The following THSD7A variants were observed in gnomAD, a reference collection of about 807,000 sequenced individuals.
THSD7A encodes thrombospondin type 1 domain containing 7A.
Under a neutral mutation model 231.3 loss-of-function variants are expected in THSD7A, and 96 were observed. The observed-to-expected ratio is 0.41, with a 90% CI of 0.35 to 0.49. The LOEUF is 0.49. Ranked by LOEUF, THSD7A falls within the 20% of genes least tolerant of loss-of-function variation. The pLI is 0.05. For missense variants in THSD7A, 2,290 were observed against 2,070.2 expected (o/e 1.11, Z -2.06); for synonymous variants, 940 against 743.3 (o/e 1.26, Z -4.30).
At chr7:11,726,132 G>C (rs568920611) in intron 1 of THSD7A, among the ~76,000 whole-genome samples, 32 of 152,098 alleles carry the variant, frequency 2.1e-4, no homozygotes, top group Non-Finnish European at 4.0e-4. Context: ...TTTAAAAGGA[G>C]TTTGATGTAT....
intron 9 of THSD7A, among the ~76,000 whole-genome samples, chr7:11,466,350 T>G (rs1206030587): frequency 6.6e-6 from 1 of 152,168 alleles, no homozygotes; most frequent in South Asian, 2.1e-4. Context: ...CCATTTCTTA[T>G]GAAATAATGA....
chr7:11,726,836 C>A (rs1051280899), intron 1 of THSD7A, among the ~76,000 whole-genome samples: 1 of 151,894 alleles, frequency 6.6e-6, no homozygotes. Flanking sequence ...AACATAAATA[C>A]CGCATCCCTA....
intron 1 of THSD7A, among the ~76,000 whole-genome samples, chr7:11,783,255 A>C (rs774124109): frequency 2.6e-5 from 4 of 152,146 alleles, no homozygotes; most frequent in Non-Finnish European, 5.9e-5. Flanking sequence ...TAGCTAACCT[A>C]TACATGCTCA....
At chr7:11,645,193 T>A (rs1029474728) in intron 1 of THSD7A, among the ~76,000 whole-genome samples, 2 of 151,904 alleles carry the variant, frequency 1.3e-5, no homozygotes, top group Non-Finnish European at 2.9e-5. Context: ...TCATATGACT[T>A]TTAACATAAT....
chr7:11,636,572 C>G lies in THSD7A; in HGVS notation c.580G>C (p.Asp194His). Reference sequence around the variant, plus strand: ...GCAGAAAATTCAGACACGATGCAATCTTGCTGGCAAGGAATGAGGCAAGCC... The same window carrying G: ...GCAGAAAATTCAGACACGATGCAATGTTGCTGGCAAGGAATGAGGCAAGCC... ...EQACLIPCQQ[D>H]CIVSEFSAWS... The change falls in exon 2 of 28, where the codon GAT (aspartate) becomes CAT (histidine). Residue 194 changes from aspartate to histidine, a missense_variant. By Grantham distance (81) the Asp-to-His change is moderately conservative. Coordinates refer to ENST00000423059, the MANE Select transcript of THSD7A (RefSeq NM_015204.3). The surrounding 1 kb of genome is among the most constrained non-coding windows in gnomAD (Gnocchi z 10.0). The G allele has an allele frequency of 6.2e-7, 1 of 1,614,016 alleles. No individual in the cohort carries two copies. Among genetic ancestry groups the G allele is most frequent in the Non-Finnish European group, 8.5e-7 (1 of 1,179,900 alleles).
In THSD7A at chr7:11,375,773, G is replaced by A. The variant is rs749748609; in HGVS notation, c.*21C>T. ...TGAAGTCAGAAAGCCGAAACTGGTT[G>A]TTGCCAGGAAAAGTTATATGTTACA... On this transcript the variant is annotated 3_prime_UTR_variant, in exon 28 of 28. Coordinates refer to ENST00000423059, the MANE Select transcript of THSD7A (RefSeq NM_015204.3). The A allele has an allele frequency of 6.2e-7, 1 of 1,607,258 alleles. No homozygotes were observed. Among genetic ancestry groups the A allele is most frequent in the Non-Finnish European group, 8.5e-7 (1 of 1,175,136 alleles).
chr7:11,633,020 C>T (rs9638674), intron 2 of THSD7A, among the ~76,000 whole-genome samples: 26,318 of 152,116 alleles, frequency 0.17, 4,377 homozygotes, highest in African/African-American at 0.43. Flanking sequence ...TGACTCTTTT[C>T]ACCACCAAAT....
Position 11,534,492 on chromosome 7 carries a change from C to G in THSD7A, c.1822+6927G>C, listed in dbSNP as rs73286878. On this transcript the variant is annotated intron_variant, in intron 6 of 27. Coordinates refer to ENST00000423059, the MANE Select transcript of THSD7A (RefSeq NM_015204.3). ...ACCAATGTACCCCAGCTGACAGCAC[C>G]AATGCCAGATATGTGAGGGAGGACA... Among the ~76,000 whole-genome samples the G allele has an allele frequency of 4.9e-3, 747 of 152,224 alleles. 6 individuals carry two copies. Among genetic ancestry groups the G allele is most frequent in the African/African-American group, 0.017 (715 of 41,538 alleles).
chr7:11,629,017 A>G (rs1393187209), intron 2 of THSD7A, among the ~76,000 whole-genome samples: 2 of 152,224 alleles, frequency 1.3e-5, no homozygotes, highest in Admixed American at 6.5e-5. Flanking sequence ...GGATTTTACT[A>G]GAATCTGAGG....
At chr7:11,628,929 C>G (rs1021722705) in intron 2 of THSD7A, among the ~76,000 whole-genome samples, 8 of 152,032 alleles carry the variant, frequency 5.3e-5, no homozygotes, top group African/African-American at 1.9e-4. Flanking sequence ...TTGTAGGCAT[C>G]GAGGAGTGGT....
chr7:11,634,019 T>C lies in THSD7A; in HGVS notation c.1022+2111A>G, dbSNP rs1160774958. On this transcript the variant is annotated intron_variant, in intron 2 of 27. Transcript: ENST00000423059. This position sits in a 1 kb window ranked among gnomAD's most constrained non-coding sequence, Gnocchi z 4.1. ...TGTCATTGATTCACTCTTCACTTTA[T>C]TGGCTTCACTGATATCATGGTATAA... is the stretch of plus-strand genomic sequence containing the variant. 6.6e-6 allele frequency among the ~76,000 whole-genome samples: 1 copy of C among 152,170 alleles called. No individual in the cohort carries two copies. Among genetic ancestry groups the C allele is most frequent in the East Asian group, 1.9e-4 (1 of 5,186 alleles).
chr7:11,561,826 G>C (rs1001244377), intron 4 of THSD7A, among the ~76,000 whole-genome samples: 8 of 152,008 alleles, frequency 5.3e-5, no homozygotes, highest in Middle Eastern at 3.4e-3. Flanking sequence ...ATTCCAGCTT[G>C]GGCAACAGAG....
At position 11,541,591 on chromosome 7, in the gene THSD7A, A is replaced by G. The variant is rs997023057; in HGVS notation, c.1650T>C (p.Thr550=). 1 of 1,613,870 alleles carries G rather than the reference A, an allele frequency of 6.2e-7. No homozygotes were observed. Among genetic ancestry groups the G allele is most frequent in the East Asian group, 2.2e-5 (1 of 44,888 alleles). ...AGTTTCCGGTTACCCCAGAGCCTCC[A>G]GTGGGCTCATTGGTAATGCGCCGCT... ...LRKRRITNEP[T]GGSGVTGNCP... Residue 550 remains threonine (T), a synonymous_variant, in exon 6 of 28, where the codon ACT becomes ACC. Coordinates refer to ENST00000423059, the MANE Select transcript of THSD7A (RefSeq NM_015204.3).
intron 24 of THSD7A, among the ~76,000 whole-genome samples, chr7:11,381,565 T>A (rs1237320288): frequency 6.6e-6 from 1 of 152,118 alleles, no homozygotes; most frequent in Non-Finnish European, 1.5e-5. Context: ...ATGCACACTG[T>A]TTTTTCCCCC....
chr7:11,533,671 A>G (rs943545283), intron 6 of THSD7A, among the ~76,000 whole-genome samples: 1 of 152,204 alleles, frequency 6.6e-6, no homozygotes, highest in African/African-American at 2.4e-5. Flanking sequence ...GTTCTCACTC[A>G]TAAGTGGGAG....
intron 4 of THSD7A, among the ~76,000 whole-genome samples, chr7:11,557,106 T>C (rs1789879017): frequency 6.6e-6 from 1 of 151,998 alleles, no homozygotes; most frequent in African/African-American, 2.4e-5. Context: ...GACATGAATG[T>C]TAGATCTTTT....
intron 7 of THSD7A, among the ~76,000 whole-genome samples, chr7:11,479,771 T>C (rs993851201): frequency 6.6e-6 from 1 of 152,212 alleles, no homozygotes; most frequent in African/African-American, 2.4e-5. Context: ...CTTTGAAGTA[T>C]AAATTTCACA....
intron 11 of THSD7A, among the ~76,000 whole-genome samples, chr7:11,452,621 C>T (rs1464390820): frequency 6.6e-6 from 1 of 151,878 alleles, no homozygotes; most frequent in Non-Finnish European, 1.5e-5. Flanking sequence ...GGCTAAGATC[C>T]CCAGTTGGGA....
chr7:11,432,262 A>T (rs1784498831), intron 13 of THSD7A, among the ~76,000 whole-genome samples: 1 of 152,132 alleles, frequency 6.6e-6, no homozygotes, highest in African/African-American at 2.4e-5. Flanking sequence ...CTACTATAAG[A>T]TACAGACAGA....
Sources: gnomAD v4.1 joint callset for allele counts (sites outside exome capture counted in the v4.1 genomes callset) on GRCh38, gnomAD v4.1.1 for gene constraint, Gnocchi (gnomAD v3.1) non-coding constraint, MANE v1.5 for transcripts, NCBI Gene and HGNC (gene_info 2026-07-23, HGNC 2026-07-21) for gene names.